Variants in RBM43 observed in about 807,000 individuals in gnomAD.
RBM43 encodes the protein RNA-binding protein 43.
In RBM43, 12 loss-of-function variants were observed where a neutral mutation model predicts 12.4. That is an observed-to-expected ratio of 0.97 (90% CI 0.62 to 1.57). The LOEUF (loss-of-function observed/expected upper bound fraction) is 1.57. RBM43 is among the 40% of genes most tolerant of loss of function. The pLI is 0.00. For missense variants in RBM43, 348 were observed against 400.1 expected, an observed-to-expected ratio of 0.87 and a Z score of 1.11; for synonymous variants, 138 against 145.7, an observed-to-expected ratio of 0.95 and a Z score of 0.38.
At chr2:151,259,245 G>A (rs1191347770) in intron 1 of RBM43, among the ~76,000 whole-genome samples, 6 of 152,060 alleles carry the variant, frequency 3.9e-5, no homozygotes, top group Non-Finnish European at 8.8e-5. Context: ...ACATAACACT[G>A]GACCAAAAGG....
intron 1 of RBM43, among the ~76,000 whole-genome samples, chr2:151,256,594 A>T (rs1280038684): frequency 1.3e-5 from 2 of 152,114 alleles, no homozygotes; most frequent in Non-Finnish European, 2.9e-5. Flanking sequence ...TGAAGCAGGC[A>T]GATCACCTGA....
intron 2 of RBM43, 53 bp downstream of exon 2, chr2:151,255,480 A>T (rs1682959345): frequency 4.2e-6 from 5 of 1,198,308 alleles, no homozygotes; most frequent in Admixed American, 2.1e-5. Flanking sequence ...TGTAATTTTT[A>T]AATTTTATTG....
In RBM43 at chr2:151,261,546, C is replaced by T. The variant is rs770856830; in HGVS notation, c.3+179G>A. On this transcript the variant is annotated intron_variant, in intron 1 of 3. Coordinates refer to ENST00000331426, the MANE Select transcript of RBM43 (RefSeq NM_198557.3). The stretch of plus-strand genomic sequence containing the variant: ...GCAGCGAGGCTGACCTGAGTTTGCC[C>T]GCCGGGGTGGACGGCTCTCCGGGGC... 9.1e-6 allele frequency: 14 copies of T among 1,545,094 alleles called. No homozygotes were observed. The South Asian group carries it at 1.5e-4, about 17-fold the overall frequency.
intron 2 of RBM43, among the ~76,000 whole-genome samples, chr2:151,254,394 T>A (rs774593625): frequency 5.9e-5 from 9 of 151,914 alleles, no homozygotes; most frequent in Non-Finnish European, 7.4e-5. Flanking sequence ...AGAGAAAAAA[T>A]GAGCCCCTGA....
chr2:151,255,481 A>T, intron 2 of RBM43, 52 bp downstream of exon 2: 1 of 1,188,430 alleles, frequency 8.4e-7, no homozygotes, highest in Non-Finnish European at 1.2e-6. Flanking sequence ...GTAATTTTTA[A>T]ATTTTATTGA....
chr2:151,252,065 G>C (rs1328998053), intron 3 of RBM43, among the ~76,000 whole-genome samples: 1 of 152,064 alleles, frequency 6.6e-6, no homozygotes, highest in East Asian at 1.9e-4. Flanking sequence ...GAATCAAGTT[G>C]GTAAACCATT....
rs2105188994 is a variant in RBM43 at position 151,251,401 on chromosome 2, C to T, written c.579G>A (p.Gln193=). 6.2e-7 allele frequency: 1 copy of T among 1,614,228 alleles called. No individual in the cohort carries two copies. Among genetic ancestry groups the T allele is most frequent in the Non-Finnish European group, 8.5e-7 (1 of 1,180,036 alleles). The part of the protein sequence containing the change: ...EERKWNRQNP[Q]RNLQRSNNSL... ...AGTTATTACTTCTCTGTAGATTCCT[C>T]TGGGGATTTTGTCTATTCCACTTTC... The change falls in exon 4 of 4, where the codon CAG becomes CAA. Residue 193 remains glutamine, a synonymous_variant. Transcript: ENST00000331426.
intron 1 of RBM43, among the ~76,000 whole-genome samples, chr2:151,260,460 T>TA (rs1683032328): frequency 6.6e-6 from 1 of 152,204 alleles, no homozygotes; most frequent in Non-Finnish European, 1.5e-5. Flanking sequence ...CAGGAAATCT[T>TA]ACTTCAGCTC....
At chr2:151,261,410 G>T (rs975975998) in intron 1 of RBM43, 2 of 1,550,628 alleles carry the variant, frequency 1.3e-6, no homozygotes, top group Non-Finnish European at 1.7e-6. Flanking sequence ...CCCGTCGCCT[G>T]GGCAGTGGGT....
intron 1 of RBM43, among the ~76,000 whole-genome samples, chr2:151,259,702 AC>A (rs918397826): frequency 4.6e-5 from 7 of 152,144 alleles, no homozygotes; most frequent in Non-Finnish European, 7.3e-5. Context: ...GAAATGCTCA[AC>A]CCTGTCAATG....
intron 2 of RBM43, among the ~76,000 whole-genome samples, chr2:151,254,118 A>G (rs1682944142): frequency 6.6e-6 from 1 of 152,114 alleles, no homozygotes; most frequent in Non-Finnish European, 1.5e-5. Context: ...TAAATAAATA[A>G]AGCACCAAAC....
chr2:151,261,621 C>A (rs1683048221), intron 1 of RBM43, 104 bp downstream of exon 1: 13 of 1,549,348 alleles, frequency 8.4e-6, no homozygotes, highest in Non-Finnish European at 1.0e-5. Context: ...CCGCGCAGCC[C>A]TGCACCCTGG....
At chr2:151,252,945 T>C (rs1489500747) in intron 2 of RBM43, 90 bp from the exon 3 acceptor site, 1 of 578,374 alleles carries the variant, frequency 1.7e-6, no homozygotes. Flanking sequence ...TATAGAAGAA[T>C]GTCTAAGATT....
intron 1 of RBM43, chr2:151,261,391 G>A (rs1321962286): frequency 6.4e-7 from 1 of 1,550,608 alleles, no homozygotes; most frequent in Non-Finnish European, 8.7e-7. Context: ...CTCGACGAAC[G>A]GCGGCGTCCC....
intron 2 of RBM43, among the ~76,000 whole-genome samples, chr2:151,254,085 TAAAC>T (rs1465765961): frequency 3.3e-5 from 5 of 152,068 alleles, no homozygotes; most frequent in South Asian, 2.1e-4. Context: ...TATATTTAAA[TAAAC>T]AAATATCTAA....
chr2:151,252,966 T>G, intron 2 of RBM43, 111 bp from the exon 3 acceptor site: 1 of 547,964 alleles, frequency 1.8e-6, no homozygotes, highest in Non-Finnish European at 3.2e-6. Flanking sequence ...TTTTTCTACA[T>G]TTTTCCTCTA....
At chr2:151,252,495 A>G (rs1348577050) in intron 3 of RBM43, among the ~76,000 whole-genome samples, 1 of 152,202 alleles carries the variant, frequency 6.6e-6, no homozygotes, top group Non-Finnish European at 1.5e-5. Flanking sequence ...TGCCTGGGTG[A>G]CGGAGCAAGA....
At chr2:151,261,255 A>G in intron 1 of RBM43, 6 of 1,545,666 alleles carry the variant, frequency 3.9e-6, no homozygotes, top group Non-Finnish European at 5.2e-6. Context: ...CCTTGGCTCG[A>G]ATCGTTCTTA....
At chr2:151,253,034 G>C (rs149098906) in intron 2 of RBM43, among the ~76,000 whole-genome samples, 179 bp from the exon 3 acceptor site, 1 of 151,988 alleles carries the variant, frequency 6.6e-6, no homozygotes, top group Non-Finnish European at 1.5e-5. Context: ...TTCATTTTAT[G>C]TGTAAATATT....
Sources: allele counts gnomAD v4.1 joint callset (sites outside exome capture counted in the v4.1 genomes callset), GRCh38; gene constraint gnomAD v4.1.1; transcripts MANE v1.5; gene names NCBI Gene and HGNC (gene_info 2026-07-23, HGNC 2026-07-21).